PDS5A: variants seen among roughly 807,000 people sequenced by gnomAD.
PDS5A encodes sister chromatid cohesion protein PDS5 homolog A.
PDS5A carries 42 observed loss-of-function variants against 167.1 expected under a neutral mutation model. The observed-to-expected ratio is 0.25, with a 90% CI of 0.20 to 0.33. PDS5A has a LOEUF of 0.33. Ranked by LOEUF, PDS5A falls within the 10% of genes least tolerant of loss-of-function variation. The pLI, the probability that PDS5A is intolerant of heterozygous loss-of-function variation, is 1.00. For missense variants in PDS5A, 1,033 were observed against 1,605.9 expected, an observed-to-expected ratio of 0.64 and a Z score of 6.10; for synonymous variants, 553 against 554.6, an observed-to-expected ratio of 1.00 and a Z score of 0.04.
chr4:39,838,093 T>A lies in PDS5A; in HGVS notation c.3773A>T (p.Asp1258Val). 2 of 1,613,932 alleles carry A rather than the reference T, an allele frequency of 1.2e-6. No homozygotes were observed. The change falls in exon 32 of 33, where the codon GAT (aspartate) becomes GTT (valine). Residue 1258 changes from aspartate (D) to valine (V), a missense_variant. Around this residue, in one of 4 missense-constraint regions of PDS5A, gnomAD observed 233 missense variants for 264.0 expected, o/e 0.88. Coordinates refer to ENST00000303538, the MANE Select transcript of PDS5A (RefSeq NM_001100399.2). ...GGAAGGGGCGGGAGGTCCCGATTCA[T>A]CTACTTTCTCATCTGTTTTTTGTTG... ...NIQQKTDEKV[D>V]ESGPPAPSKP... is the part of the protein sequence containing the mutation.
chr4:39,954,690 AAAAAAAAC>A (rs1198873436), intron 2 of PDS5A, among the ~76,000 whole-genome samples: 1 of 151,344 alleles, frequency 6.6e-6, no homozygotes, highest in African/African-American at 2.4e-5. Flanking sequence ...AAAAAAAAAA[AAAAAAAAC>A]AGAAACAGAG....
rs1203178074 is a variant in PDS5A, at chr4:39,824,304, A to T, written c.*1181T>A. 1 of 152,238 alleles carries T rather than the reference A, an allele frequency of 6.6e-6. No individual in the cohort carries two copies. Among genetic ancestry groups the T allele is most frequent in the Non-Finnish European group, 1.5e-5 (1 of 68,040 alleles). 9.4% of individuals were successfully genotyped at this position (152,238 alleles called of 1,614,324 possible). On this transcript the variant is annotated 3_prime_UTR_variant, in exon 33 of 33. Coordinates refer to ENST00000303538, the MANE Select transcript of PDS5A (RefSeq NM_001100399.2). ...CAAGAAAGCATATGATAAAAAGATTAAAAAGACTGCCATGACATCTAGAAG... is the reference window on the plus strand; with the variant it reads ...CAAGAAAGCATATGATAAAAAGATTTAAAAGACTGCCATGACATCTAGAAG...
intron 31 of PDS5A, among the ~76,000 whole-genome samples, chr4:39,839,461 CA>C (rs750456475): frequency 6.6e-6 from 1 of 151,946 alleles, no homozygotes; most frequent in Non-Finnish European, 1.5e-5. Context: ...TCCAGCTACT[CA>C]GGAGGCTGAG....
intron 11 of PDS5A, among the ~76,000 whole-genome samples, chr4:39,905,561 A>G (rs760274778): frequency 1.9e-4 from 29 of 152,214 alleles, no homozygotes; most frequent in Non-Finnish European, 3.5e-4. Flanking sequence ...CTGTCTCAAC[A>G]AAAAAACAAA....
At position 39,849,615 on chromosome 4, in the gene PDS5A, T is replaced by C; in HGVS notation, c.3124A>G (p.Asn1042Asp). The C allele has an allele frequency of 1.2e-6, 2 of 1,610,576 alleles. No homozygotes were observed. Among genetic ancestry groups the C allele is most frequent in the Admixed American group, 3.3e-5 (2 of 60,004 alleles). Residue 1042 changes from asparagine to aspartate, a missense_variant, in exon 27 of 33, where the codon AAT (asparagine) becomes GAT (aspartate). By Grantham distance (23) the Asn-to-Asp change is conservative (BLOSUM62 1). Transcript: ENST00000303538. ...ATAAAGGCATGGCTATTGTTTTCAT[T>C]CTTTGTCATTAAAACTTCAAGCATG... ...WFMLEVLMTK[N>D]ENNSHAFMKK...
chr4:39,957,540 C>T (rs971068957), intron 2 of PDS5A, among the ~76,000 whole-genome samples: 3 of 152,110 alleles, frequency 2.0e-5, no homozygotes, highest in African/African-American at 7.2e-5. Context: ...AATCCTAGCA[C>T]TTTGGGAGGC....
intron 10 of PDS5A, chr4:39,908,973 A>G (rs1392107022): frequency 6.3e-4 from 97 of 154,392 alleles, no homozygotes; most frequent in Non-Finnish European, 1.0e-4. Context: ...CCAGAGGTCA[A>G]GGCTGCAGTG....
chr4:39,840,146 C>T (rs1716854225), intron 31 of PDS5A, among the ~76,000 whole-genome samples: 1 of 151,708 alleles, frequency 6.6e-6, no homozygotes, highest in Admixed American at 6.6e-5. Context: ...TGAAAGAAGA[C>T]CAGAGAAGTC....
chr4:39,887,557 C>T (rs1313496036), intron 17 of PDS5A, among the ~76,000 whole-genome samples: 2 of 152,090 alleles, frequency 1.3e-5, no homozygotes, highest in Non-Finnish European at 2.9e-5. Flanking sequence ...TGATAGACCC[C>T]TATCCCTCAC....
intron 2 of PDS5A, among the ~76,000 whole-genome samples, chr4:39,950,108 T>C (rs1435750327): frequency 1.3e-5 from 2 of 152,054 alleles, no homozygotes; most frequent in East Asian, 3.9e-4. Flanking sequence ...GGTTTCTCCA[T>C]GTTGGTCAGG....
At chr4:39,949,677 T>G (rs1468497336) in intron 2 of PDS5A, among the ~76,000 whole-genome samples, 2 of 150,628 alleles carry the variant, frequency 1.3e-5, no homozygotes, top group African/African-American at 4.9e-5. Context: ...AAAAAAAAGT[T>G]TCAACAATTA....
In PDS5A at chr4:39,879,813, T is replaced by C. The variant is rs1267088765; in HGVS notation, c.1907A>G (p.Asn636Ser). 1.9e-6 allele frequency: 3 copies of C among 1,606,328 alleles called. No homozygotes were observed. Among genetic ancestry groups the C allele is most frequent in the South Asian group, 1.1e-5 (1 of 90,930 alleles). ...EAISALVKLM[N>S]KSIEGTADDE... Reference sequence around the variant, plus strand: ...ATCTGCTGTCCCCTCTATTGACTTATTCATCAATTTCACTAGTGCACTATA... The same window carrying C: ...ATCTGCTGTCCCCTCTATTGACTTACTCATCAATTTCACTAGTGCACTATA... The change falls in exon 18 of 33, where the codon AAT becomes AGT. Residue 636 changes from asparagine (N) to serine (S), a missense_variant. Asn to Ser is a conservative substitution (Grantham distance 46). Coordinates refer to ENST00000303538, the MANE Select transcript of PDS5A (RefSeq NM_001100399.2).
chr4:39,881,772 A>AT (rs1720948001), intron 17 of PDS5A, among the ~76,000 whole-genome samples: 1 of 152,176 alleles, frequency 6.6e-6, no homozygotes, highest in Admixed American at 6.5e-5. Flanking sequence ...AACATTTCAT[A>AT]TTAATGAAAT....
intron 23 of PDS5A, among the ~76,000 whole-genome samples, chr4:39,864,101 C>T (rs1400022189): frequency 6.6e-6 from 1 of 151,516 alleles, no homozygotes; most frequent in Non-Finnish European, 1.5e-5. Flanking sequence ...CTGCACTCTA[C>T]CCTGGCAACA....
intron 2 of PDS5A, among the ~76,000 whole-genome samples, chr4:39,966,881 C>T (rs2109817812): frequency 8.0e-6 from 1 of 124,836 alleles, no homozygotes; most frequent in East Asian, 2.4e-4. Flanking sequence ...TGCCTGTAAT[C>T]CCAGTTACTC....
Position 39,849,599 on chromosome 4 carries a change from T to G in PDS5A, c.3140A>C (p.His1047Pro). ...CTCTGCCATCTTCTTCATAAAGGCA[T>G]GGCTATTGTTTTCATTCTTTGTCAT... ...VLMTKNENNS[H>P]AFMKKMAENI... The change falls in exon 27 of 33, where the codon CAT becomes CCT. Residue 1047 changes from histidine (H) to proline (P), a missense_variant. Physicochemically the swap from His to Pro is moderately conservative, Grantham distance 77 (BLOSUM62 -2). Coordinates refer to ENST00000303538, the MANE Select transcript of PDS5A (RefSeq NM_001100399.2). 1 of 1,610,078 alleles carries G rather than the reference T, an allele frequency of 6.2e-7. No individual in the cohort carries two copies. Among genetic ancestry groups the G allele is most frequent in the Non-Finnish European group, 8.5e-7 (1 of 1,176,432 alleles).
intron 11 of PDS5A, among the ~76,000 whole-genome samples, chr4:39,905,327 G>A (rs1273801979): frequency 1.3e-5 from 2 of 152,116 alleles, no homozygotes; most frequent in Non-Finnish European, 2.9e-5. Flanking sequence ...GGAGGCCGAG[G>A]CAGGTGGATC....
At chr4:39,918,182 C>CAA (rs11447119) in intron 7 of PDS5A, among the ~76,000 whole-genome samples, 28,148 of 88,234 alleles carry the variant, frequency 0.32, 4,405 homozygotes, top group East Asian at 0.57. Context: ...GACCCTGTCT[C>CAA]AAAAAAAAAA....
At chr4:39,971,303 C>T (rs1200479182) in intron 2 of PDS5A, among the ~76,000 whole-genome samples, 1 of 151,920 alleles carries the variant, frequency 6.6e-6, no homozygotes, top group African/African-American at 2.4e-5. Flanking sequence ...CTACAGGCCC[C>T]GCCACCACGC....
Sources: gnomAD v4.1 joint callset for allele counts (sites outside exome capture counted in the v4.1 genomes callset) on GRCh38, gnomAD v4.1.1 for gene constraint, gnomAD v4.1.1 regional missense constraint, MANE v1.5 for transcripts, NCBI Gene and HGNC (gene_info 2026-07-23, HGNC 2026-07-21) for gene names.